Variants in ALPL observed in about 807,000 individuals in gnomAD.
ALPL encodes the protein alkaline phosphatase, biomineralization associated.
In ALPL, 42 loss-of-function variants were observed where a neutral mutation model predicts 51.3. The ratio of observed to expected loss-of-function variants is 0.82; its 90% CI spans 0.64 to 1.06. The LOEUF (loss-of-function observed/expected upper bound fraction) is 1.06, where lower values mean the gene tolerates loss of function less well. ALPL is among the 50% of genes least tolerant of loss of function. The pLI is 0.00. For missense variants in ALPL, 589 were observed against 709.4 expected (o/e 0.83, Z 1.93); for synonymous variants, 279 against 296.4 (o/e 0.94, Z 0.60).
At chr1:21,516,505 G>A (rs1643803691) in intron 1 of ALPL, among the ~76,000 whole-genome samples, 1 of 152,198 alleles carries the variant, frequency 6.6e-6, no homozygotes, top group Non-Finnish European at 1.5e-5. Flanking sequence ...CAGCAGCGCT[G>A]GGTGGCAGGT....
Position 21,554,833 on chromosome 1 carries a change from C to CTTTCTCTCTTTCTTTCTT in ALPL, c.61+696_61+697insCTCTTTCTTTCTTTTTCT, listed in dbSNP as rs1644385704. Among the ~76,000 whole-genome samples, 8 of 132,452 alleles carry CTTTCTCTCTTTCTTTCTT rather than the reference C, an allele frequency of 6.0e-5. 1 individual carries two copies. The highest frequency in any genetic ancestry group is 2.2e-4 in the African/African-American group (8 of 36,416). 86.9% of individuals were successfully genotyped at this position (132,452 alleles called of 152,430 possible). ...TCTGTCTGTCTTTCTTTCTTTCTTT[C>CTTTCTCTCTTTCTTTCTT]TTTCTTTCTTTCTTTCTTTCTTTCT... On this transcript the variant is annotated intron_variant, in intron 2 of 11. Transcript: ENST00000374840.
chr1:21,530,465 G>A (rs951409298), intron 1 of ALPL, among the ~76,000 whole-genome samples: 1 of 152,032 alleles, frequency 6.6e-6, no homozygotes, highest in East Asian at 1.9e-4. Flanking sequence ...GACCCTAGTC[G>A]CCCAGTTCCA....
intron 1 of ALPL, among the ~76,000 whole-genome samples, chr1:21,538,286 T>C (rs372512956): frequency 6.6e-6 from 1 of 152,152 alleles, no homozygotes; most frequent in Non-Finnish European, 1.5e-5. Flanking sequence ...GTTTCCTGTC[T>C]GGGGCTCTCG....
intron 2 of ALPL, 24 bp from the exon 3 acceptor site, chr1:21,560,602 G>T: frequency 6.2e-7 from 1 of 1,613,662 alleles, no homozygotes; most frequent in Non-Finnish European, 8.5e-7. Flanking sequence ...ACCCCGCCAA[G>T]TAACTGCCTC....
intron 2 of ALPL, among the ~76,000 whole-genome samples, chr1:21,556,400 G>C (rs1440860430): frequency 6.6e-6 from 1 of 152,134 alleles, no homozygotes; most frequent in Non-Finnish European, 1.5e-5. Flanking sequence ...CAGTGCGTTG[G>C]GAGGCTGAGG....
At chr1:21,563,494 C>T (rs962205740) in intron 5 of ALPL, among the ~76,000 whole-genome samples, 5 of 152,146 alleles carry the variant, frequency 3.3e-5, no homozygotes, top group African/African-American at 9.7e-5. Flanking sequence ...GTTCTGGTCC[C>T]AGTTCATTTC....
intron 1 of ALPL, among the ~76,000 whole-genome samples, chr1:21,519,683 G>A (rs1643864429): frequency 1.3e-5 from 2 of 152,354 alleles, no homozygotes; most frequent in South Asian, 4.1e-4. Context: ...TGTAATTCCA[G>A]CTATGTGGGA....
intron 6 of ALPL, among the ~76,000 whole-genome samples, chr1:21,567,166 G>A (rs891893466): frequency 1.5e-4 from 23 of 152,166 alleles, no homozygotes; most frequent in Admixed American, 7.9e-4. Flanking sequence ...ATGCAGGCCT[G>A]GAATGGTGGA....
intron 4 of ALPL, 103 bp downstream of exon 4, chr1:21,561,315 C>G: frequency 9.8e-7 from 1 of 1,019,414 alleles, no homozygotes; most frequent in South Asian, 1.4e-5. Flanking sequence ...CCTGAGCCCC[C>G]TCCATGCCCA....
At chr1:21,527,791 C>A (rs1329138314) in intron 1 of ALPL, among the ~76,000 whole-genome samples, 2 of 151,866 alleles carry the variant, frequency 1.3e-5, no homozygotes, top group Admixed American at 1.3e-4. Flanking sequence ...CTGAAGTGAT[C>A]CGTCCACCTC....
intron 4 of ALPL, 90 bp from the exon 5 acceptor site, chr1:21,563,020 G>A (rs1275117374): frequency 1.2e-5 from 18 of 1,544,528 alleles, no homozygotes; most frequent in African/African-American, 8.2e-5. Flanking sequence ...GGTCCCTCAC[G>A]CCCCAGTCCC....
chr1:21,576,218 TGATGGATGGATGGATGGATG>T lies in ALPL; in HGVS notation c.1190-287_1190-268del, dbSNP rs371658562. Among the ~76,000 whole-genome samples the T allele has an allele frequency of 2.1e-5, 3 of 142,402 alleles. No individual in the cohort carries two copies. In the East Asian group the frequency reaches 6.0e-4, roughly 28 times the overall value. The allele number at this position is 142,402 out of a possible 152,430, so 93.4% of individuals were successfully genotyped here. On this transcript the variant is annotated intron_variant, in intron 10 of 11. Transcript: ENST00000374840. ...GATGGCTGGCTGGATGATGGATGGA[TGATGGATGGATGGATGGATG>T]GATGGATGGATGGATGATGGATGGA...
intron 11 of ALPL, among the ~76,000 whole-genome samples, chr1:21,577,151 C>A (rs929446511): frequency 6.6e-6 from 1 of 152,190 alleles, no homozygotes; most frequent in Non-Finnish European, 1.5e-5. Flanking sequence ...CCAAGCAGCC[C>A]AAATGAGGTT....
Position 21,564,093 on chromosome 1 carries a change from C to T in ALPL, c.525C>T (p.Ser175=), listed in dbSNP as rs766504809. Residue 175 remains serine (S), a synonymous_variant, in exon 6 of 12, where the codon AGC becomes AGT. Coordinates refer to ENST00000374840, the MANE Select transcript of ALPL (RefSeq NM_000478.6). The surrounding 1 kb of genome is among the most constrained non-coding windows in gnomAD (Gnocchi z 5.8). ...TTTRVNHATP[S]AAYAHSADRD... is the part of the protein sequence containing the mutation. Reference sequence around the variant, plus strand: ...CGAGAGTGAACCATGCCACCCCCAGCGCCGCCTACGCCCACTCGGCTGACC... The same window carrying T: ...CGAGAGTGAACCATGCCACCCCCAGTGCCGCCTACGCCCACTCGGCTGACC... The T allele has an allele frequency of 1.4e-5, 22 of 1,614,058 alleles. No homozygotes were observed. The highest frequency in any genetic ancestry group is 1.8e-5 in the Non-Finnish European group (21 of 1,180,000).
At chr1:21,520,611 GCCACCACGCCCGGCTAATTTTTTGTA>G (rs1643873828) in intron 1 of ALPL, among the ~76,000 whole-genome samples, 1 of 151,888 alleles carries the variant, frequency 6.6e-6, no homozygotes, top group Non-Finnish European at 1.5e-5. Context: ...ACAGGGGTGT[GCCACCACGCCCGGCTAATTTTTTGTA>G]CTTATAGTAG....
rs1644526874 is a variant in ALPL at position 21,564,024 on chromosome 1, C to T, written c.473-17C>T. The T allele has an allele frequency of 6.2e-7, 1 of 1,613,158 alleles. No individual in the cohort carries two copies. The highest frequency in any genetic ancestry group is 8.5e-7 in the Non-Finnish European group (1 of 1,179,930). On this transcript the variant is annotated splice_polypyrimidine_tract_variant and intron_variant, in intron 5 of 11. Coordinates refer to ENST00000374840, the MANE Select transcript of ALPL (RefSeq NM_000478.6). This position sits in a 1 kb window ranked among gnomAD's most constrained non-coding sequence, Gnocchi z 5.8. ...CGATCTGTGGATAAAGCCAAACCCG[C>T]CCCTCCTGCACCCCAGGGAAATCTG...
At chr1:21,549,895 A>G (rs1003199059) in intron 1 of ALPL, among the ~76,000 whole-genome samples, 22 of 152,228 alleles carry the variant, frequency 1.4e-4, no homozygotes, top group African/African-American at 5.3e-4. Flanking sequence ...TAAATCTAAG[A>G]AAACATATCC....
rs1644258039 is a variant in ALPL, at chr1:21,546,705, C to T, written c.-104-7273C>T. Among the ~76,000 whole-genome samples, 4 of 152,202 alleles carry T rather than the reference C, an allele frequency of 2.6e-5. No homozygotes were observed. The South Asian group carries it at 6.2e-4, about 24-fold the overall frequency. Reference sequence around the variant, plus strand: ...CTGCTGCTATCTCAGTTCTGAGGTACGGGCCGTGGAGACCCCCAGATTTGG... The same window carrying T: ...CTGCTGCTATCTCAGTTCTGAGGTATGGGCCGTGGAGACCCCCAGATTTGG... On this transcript the variant is annotated intron_variant, in intron 1 of 11. Transcript: ENST00000374840.
In ALPL at chr1:21,576,429, G is replaced by A. The variant is rs1644737869; in HGVS notation, c.1190-93G>A. 4 of 1,543,080 alleles carry A rather than the reference G, an allele frequency of 2.6e-6. No homozygotes were observed. The Admixed American group carries it at 5.5e-5, about 21-fold the overall frequency. On this transcript the variant is annotated intron_variant, in intron 10 of 11. Coordinates refer to ENST00000374840, the MANE Select transcript of ALPL (RefSeq NM_000478.6). The stretch of plus-strand genomic sequence containing the variant: ...CAGGGCCCTTCAAAGAAGATCCCAG[G>A]GGTTACCAAGCCACCAAGGAGCCTA...
Sources: allele counts gnomAD v4.1 joint callset (sites outside exome capture counted in the v4.1 genomes callset), GRCh38; gene constraint gnomAD v4.1.1; non-coding constraint Gnocchi (gnomAD v3.1); transcripts MANE v1.5; gene names NCBI Gene and HGNC (gene_info 2026-07-23, HGNC 2026-07-21).